Variants in RPTOR observed in about 807,000 individuals in gnomAD.
The protein encoded by RPTOR is regulatory associated protein of MTOR complex 1.
A neutral mutation model predicts 169.9 loss-of-function variants in RPTOR; 21 were observed. The observed-to-expected ratio is 0.12, with a 90% CI of 0.09 to 0.18. The LOEUF (loss-of-function observed/expected upper bound fraction) is 0.18. Ranked by LOEUF, RPTOR falls within the 10% of genes least tolerant of loss-of-function variation. RPTOR has a pLI of 1.00. For synonymous variants in RPTOR, 732 were observed against 753.2 expected, an observed-to-expected ratio of 0.97 and a Z score of 0.46; for missense variants, 1,133 against 1,855.9, an observed-to-expected ratio of 0.61 and a Z score of 7.16.
chr17:80,700,790 G>A (rs796992268), intron 3 of RPTOR, among the ~76,000 whole-genome samples: 100 of 74,744 alleles, frequency 1.3e-3, no homozygotes, highest in Non-Finnish European at 1.8e-3. Context: ...GATGATGGTG[G>A]TGGTGGTGAT....
At chr17:80,632,326 T>C (rs2065448353) in intron 2 of RPTOR, among the ~76,000 whole-genome samples, 1 of 152,228 alleles carries the variant, frequency 6.6e-6, no homozygotes, top group Non-Finnish European at 1.5e-5. Flanking sequence ...CTGTGTGTGC[T>C]CCGGGGACGG....
chr17:80,825,281 A>AC (rs1467854920), intron 9 of RPTOR, among the ~76,000 whole-genome samples: 1 of 148,934 alleles, frequency 6.7e-6, no homozygotes, highest in East Asian at 2.0e-4. Flanking sequence ...GCCACATCCC[A>AC]CCTCTCCCTC....
At chr17:80,581,213 T>C (rs906021140) in intron 1 of RPTOR, among the ~76,000 whole-genome samples, 7 of 152,354 alleles carry the variant, frequency 4.6e-5, no homozygotes, top group Middle Eastern at 3.4e-3. Flanking sequence ...TGTGGTAAAA[T>C]ATAACAGAGA....
At chr17:80,925,519 G>A (rs762743306) in intron 24 of RPTOR, 39 bp downstream of exon 24, 23 of 1,481,008 alleles carry the variant, frequency 1.6e-5, no homozygotes, top group African/African-American at 2.8e-5. Flanking sequence ...GAGTCCTAGC[G>A]AACATGTGTC....
intron 9 of RPTOR, among the ~76,000 whole-genome samples, chr17:80,830,473 A>T (rs2067490939): frequency 6.6e-6 from 1 of 152,246 alleles, no homozygotes; most frequent in Non-Finnish European, 1.5e-5. Context: ...GAGTGCTGAC[A>T]GTTTGTAAAA....
intron 1 of RPTOR, among the ~76,000 whole-genome samples, chr17:80,613,015 G>A (rs368778075): frequency 3.3e-5 from 5 of 152,178 alleles, no homozygotes; most frequent in African/African-American, 9.7e-5. Context: ...CAGCATCAGC[G>A]TCTGTCCACA....
chr17:80,569,854 G>C lies in RPTOR; in HGVS notation c.162+24063G>C, dbSNP rs770103985. On this transcript the variant is annotated intron_variant, in intron 1 of 33. Coordinates refer to ENST00000306801, the MANE Select transcript of RPTOR (RefSeq NM_020761.3). ...GCCTTTCTGAGTCTCCGTGAGGGTC[G>C]TGGGTGCTTCATGAGGTCCCTTAAT... 2.0e-5 allele frequency among the ~76,000 whole-genome samples: 3 copies of C among 152,104 alleles called. No homozygotes were observed. In the South Asian group the frequency reaches 6.2e-4, roughly 32 times the overall value.
At chr17:80,728,046 G>T (rs567305323) in intron 4 of RPTOR, among the ~76,000 whole-genome samples, 1 of 152,310 alleles carries the variant, frequency 6.6e-6, no homozygotes, top group African/African-American at 2.4e-5. Context: ...TGGATGAATG[G>T]ATGGATGGAT....
At chr17:80,559,266 A>G (rs1193484765) in intron 1 of RPTOR, among the ~76,000 whole-genome samples, 2 of 152,090 alleles carry the variant, frequency 1.3e-5, no homozygotes, top group African/African-American at 4.8e-5. Flanking sequence ...TCCCATCAGG[A>G]GCACACGACG....
chr17:80,591,792 C>G (rs1387213785), intron 1 of RPTOR, among the ~76,000 whole-genome samples: 1 of 152,124 alleles, frequency 6.6e-6, no homozygotes, highest in Admixed American at 6.5e-5. Flanking sequence ...CATCATATAC[C>G]TGCGATGTCA....
chr17:80,903,779 G>A (rs1329557109), intron 20 of RPTOR, among the ~76,000 whole-genome samples: 2 of 152,152 alleles, frequency 1.3e-5, no homozygotes, highest in Admixed American at 6.5e-5. Flanking sequence ...GGGTTTCAGG[G>A]CAGAGAAGGT....
At chr17:80,881,493 C>T (rs773695521) in intron 14 of RPTOR, among the ~76,000 whole-genome samples, 7 of 152,218 alleles carry the variant, frequency 4.6e-5, no homozygotes, top group African/African-American at 1.2e-4. Context: ...CACGAGCCTG[C>T]GGAAGTTTTG....
intron 20 of RPTOR, among the ~76,000 whole-genome samples, chr17:80,895,178 G>A (rs891470797): frequency 6.6e-6 from 1 of 152,146 alleles, no homozygotes; most frequent in Non-Finnish European, 1.5e-5. Flanking sequence ...ACCCTCACTC[G>A]CTGCACCCAG....
intron 3 of RPTOR, among the ~76,000 whole-genome samples, chr17:80,697,666 T>C (rs1321567220): frequency 6.6e-6 from 1 of 151,664 alleles, no homozygotes; most frequent in Admixed American, 6.6e-5. Context: ...AGGCATGGAG[T>C]CATGAGAGAT....
In RPTOR at chr17:80,878,015, C is replaced by T. The variant is rs1045343661; in HGVS notation, c.1510-2400C>T. Among the ~76,000 whole-genome samples, 1 of 152,180 alleles carries T rather than the reference C, an allele frequency of 6.6e-6. No homozygotes were observed. Among genetic ancestry groups the T allele is most frequent in the Non-Finnish European group, 1.5e-5 (1 of 68,036 alleles). ...CCAGCAGATTCCCTCTGCAAAACTG[C>T]TCCTGCCTCAGTGGGAAAGGGCCAG... On this transcript the variant is annotated intron_variant, in intron 13 of 33. Transcript: ENST00000306801. This position sits in a 1 kb window ranked among gnomAD's most constrained non-coding sequence, Gnocchi z 4.1.
chr17:80,885,701 T>C (rs2004184), intron 17 of RPTOR, among the ~76,000 whole-genome samples: 49,294 of 151,730 alleles, frequency 0.32, 8,229 homozygotes, highest in African/African-American at 0.41. Flanking sequence ...GCCACCACAC[T>C]CGGCTAATTT....
chr17:80,898,686 GC>G (rs1278786828), intron 20 of RPTOR, among the ~76,000 whole-genome samples: 2 of 19,150 alleles, frequency 1.0e-4, no homozygotes, highest in African/African-American at 4.0e-4. Flanking sequence ...ACCCCCCGCC[GC>G]CCCGACTCCC....
At chr17:80,855,664 G>C (rs147269822) in intron 12 of RPTOR, 117 bp downstream of exon 12, 1 of 775,724 alleles carries the variant, frequency 1.3e-6, no homozygotes, top group East Asian at 2.5e-5. Context: ...GTGAGACCCA[G>C]GGCGAGTGTG....
At chr17:80,553,361 G>A (rs1599542995) in intron 1 of RPTOR, among the ~76,000 whole-genome samples, 2 of 152,274 alleles carry the variant, frequency 1.3e-5, no homozygotes, top group African/African-American at 2.4e-5. Context: ...CTGTGTCCAC[G>A]GCAGACGTGT....
Sources: gnomAD v4.1 joint callset for allele counts (sites outside exome capture counted in the v4.1 genomes callset) on GRCh38, gnomAD v4.1.1 for gene constraint, Gnocchi (gnomAD v3.1) non-coding constraint, MANE v1.5 for transcripts, NCBI Gene and HGNC (gene_info 2026-07-23, HGNC 2026-07-21) for gene names.